NKAIN2: variants seen among roughly 807,000 people sequenced by gnomAD.
NKAIN2 encodes the protein sodium/potassium-transporting ATPase subunit beta-1-interacting protein 2.
Under a neutral mutation model 32.6 loss-of-function variants are expected in NKAIN2, and 14 were observed. That is an observed-to-expected ratio of 0.43 (90% CI 0.28 to 0.67). The LOEUF is 0.67. NKAIN2 is among the 30% of genes least tolerant of loss of function. The pLI, the probability that NKAIN2 is intolerant of heterozygous loss-of-function variation, is 0.17. For synonymous variants in NKAIN2, 80 were observed against 87.2 expected (o/e 0.92, Z 0.46); for missense variants, 198 against 258.3 (o/e 0.77, Z 1.60).
chr6:124,760,516 G>T (rs191144053), intron 4 of NKAIN2, among the ~76,000 whole-genome samples: 5 of 151,820 alleles, frequency 3.3e-5, no homozygotes, highest in African/African-American at 9.7e-5. Flanking sequence ...GGCGCTTCCA[G>T]AACAATCTTT....
intron 1 of NKAIN2, among the ~76,000 whole-genome samples, chr6:124,065,802 A>G (rs1216887138): frequency 6.6e-6 from 1 of 152,178 alleles, no homozygotes; most frequent in African/African-American, 2.4e-5. Flanking sequence ...ACACAGTTGC[A>G]TATTTCTTCT....
chr6:124,377,998 G>A (rs894409881), intron 3 of NKAIN2, among the ~76,000 whole-genome samples: 4 of 152,082 alleles, frequency 2.6e-5, no homozygotes, highest in African/African-American at 9.7e-5. Flanking sequence ...GCCACATTGT[G>A]TCAACCCTGC....
At chr6:124,735,250 A>G (rs1776878471) in intron 4 of NKAIN2, among the ~76,000 whole-genome samples, 1 of 151,954 alleles carries the variant, frequency 6.6e-6, no homozygotes, top group South Asian at 2.1e-4. Flanking sequence ...TGAGTTAAAC[A>G]GACTTTTATT....
At chr6:123,900,428 G>A (rs182815487) in intron 1 of NKAIN2, among the ~76,000 whole-genome samples, 7 of 150,276 alleles carry the variant, frequency 4.7e-5, no homozygotes, top group Admixed American at 1.3e-4. Context: ...AGCCAAGATC[G>A]CGCCACTCTA....
At chr6:124,696,306 T>A (rs1038331006) in intron 4 of NKAIN2, among the ~76,000 whole-genome samples, 1 of 151,808 alleles carries the variant, frequency 6.6e-6, no homozygotes, top group Non-Finnish European at 1.5e-5. Flanking sequence ...AGAGAGAGAG[T>A]TTGCTTCTGA....
At chr6:123,995,773 G>A (rs1250568911) in intron 1 of NKAIN2, among the ~76,000 whole-genome samples, 1 of 152,122 alleles carries the variant, frequency 6.6e-6, no homozygotes, top group Non-Finnish European at 1.5e-5. Context: ...GCTAGATGCT[G>A]TAATAGTTAC....
chr6:124,137,474 A>G (rs1285963868), intron 1 of NKAIN2, among the ~76,000 whole-genome samples: 2 of 152,052 alleles, frequency 1.3e-5, no homozygotes, highest in African/African-American at 2.4e-5. Flanking sequence ...CTATCAAAAT[A>G]CCATCATTAT....
At chr6:123,820,561 C>T (rs1009008813) in intron 1 of NKAIN2, among the ~76,000 whole-genome samples, 1 of 152,068 alleles carries the variant, frequency 6.6e-6, no homozygotes, top group Non-Finnish European at 1.5e-5. Context: ...CCTTTCCATG[C>T]TGACCATCCA....
Position 124,391,393 on chromosome 6 carries a change from G to A in NKAIN2, c.273+36046G>A, listed in dbSNP as rs527696914. On this transcript the variant is annotated intron_variant, in intron 3 of 6. Transcript: ENST00000368417. ...CTGTCAGTGGCAATTTGGTATGATA[G>A]GACCTTTTGAAGTCCAGGGCTGTGC... Among the ~76,000 whole-genome samples the A allele has an allele frequency of 2.0e-4, 31 of 152,216 alleles. 1 individual carries two copies. In the South Asian group the frequency reaches 4.4e-3, roughly 21 times the overall value.
rs1296804656 is a variant in NKAIN2, at chr6:123,803,867, A to G, written c.-334A>G. The stretch of plus-strand genomic sequence containing the variant: ...GCAGGGGCGAAACTTCGCGGGCCAG[A>G]TGCCCGAGGGCGCGGCGGCGCTGCC... On this transcript the variant is annotated 5_prime_UTR_variant, in exon 1 of 7. It removes an upstream start codon present in the reference 5' UTR. Coordinates refer to ENST00000368417, the MANE Select transcript of NKAIN2 (RefSeq NM_001040214.3). Among the ~76,000 whole-genome samples, 1 of 147,518 alleles carries G rather than the reference A, an allele frequency of 6.8e-6. No individual in the cohort carries two copies. The highest frequency in any genetic ancestry group is 1.5e-5 in the Non-Finnish European group (1 of 66,268).
At chr6:124,651,490 A>G (rs1784366471) in intron 3 of NKAIN2, among the ~76,000 whole-genome samples, 1 of 152,158 alleles carries the variant, frequency 6.6e-6, no homozygotes, top group Non-Finnish European at 1.5e-5. Flanking sequence ...TGATTAGTGG[A>G]TGCTGCCATA....
At chr6:124,041,629 T>C (rs575136803) in intron 1 of NKAIN2, among the ~76,000 whole-genome samples, 1 of 152,196 alleles carries the variant, frequency 6.6e-6, no homozygotes, top group South Asian at 2.1e-4. Flanking sequence ...ACTGTTTTGC[T>C]GTAGTTACAC....
intron 3 of NKAIN2, among the ~76,000 whole-genome samples, chr6:124,357,286 A>T (rs1368867617): frequency 1.3e-5 from 2 of 152,172 alleles, no homozygotes; most frequent in Admixed American, 6.6e-5. Context: ...TTATATAGTT[A>T]TCTGTACTGG....
At chr6:123,825,431 A>G (rs1267645188) in intron 1 of NKAIN2, among the ~76,000 whole-genome samples, 4 of 152,310 alleles carry the variant, frequency 2.6e-5, no homozygotes, top group Admixed American at 6.5e-5. Flanking sequence ...CTGTTTTCAG[A>G]GTATCCTAAC....
chr6:124,216,188 TGG>T (rs1486431618), intron 1 of NKAIN2, among the ~76,000 whole-genome samples: 1 of 149,286 alleles, frequency 6.7e-6, no homozygotes, highest in African/African-American at 2.5e-5. Context: ...TATGGGAGAA[TGG>T]GAGTATTTAG....
At chr6:123,978,432 A>C (rs1272674457) in intron 1 of NKAIN2, among the ~76,000 whole-genome samples, 1 of 152,136 alleles carries the variant, frequency 6.6e-6, no homozygotes, top group Non-Finnish European at 1.5e-5. Flanking sequence ...GCAGAATATA[A>C]ATGGAGTATA....
At chr6:123,897,275 CTGTT>C (rs1437921563) in intron 1 of NKAIN2, among the ~76,000 whole-genome samples, 1 of 152,130 alleles carries the variant, frequency 6.6e-6, no homozygotes, top group Non-Finnish European at 1.5e-5. Flanking sequence ...GACCTGGTCT[CTGTT>C]TGCTACTTAT....
At chr6:124,456,888 T>G (rs530623420) in intron 3 of NKAIN2, among the ~76,000 whole-genome samples, 317 of 152,088 alleles carry the variant, frequency 2.1e-3, no homozygotes, top group African/African-American at 7.3e-3. Flanking sequence ...CATAATTCTT[T>G]CATAGTTTGT....
intron 3 of NKAIN2, among the ~76,000 whole-genome samples, chr6:124,496,905 A>C (rs899974327): frequency 4.6e-5 from 7 of 152,116 alleles, no homozygotes; most frequent in African/African-American, 1.7e-4. Flanking sequence ...ATGACAGATC[A>C]AGGGTCAGAA....
Sources: allele counts gnomAD v4.1 joint callset (sites outside exome capture counted in the v4.1 genomes callset), GRCh38; gene constraint gnomAD v4.1.1; transcripts MANE v1.5; gene names NCBI Gene and HGNC (gene_info 2026-07-23, HGNC 2026-07-21).